The following ZBTB40 variants were observed in gnomAD, a reference collection of about 807,000 sequenced individuals.
The protein encoded by ZBTB40 is zinc finger and BTB domain-containing protein 40.
A neutral mutation model predicts 117.5 loss-of-function variants in ZBTB40; 60 were observed. That is an observed-to-expected ratio of 0.51 (90% CI 0.41 to 0.63). ZBTB40 has a LOEUF of 0.63. ZBTB40 is among the 30% of genes least tolerant of loss of function. The pLI is 0.00. For missense variants in ZBTB40, 1,287 were observed against 1,498.5 expected (o/e 0.86, Z 2.33); for synonymous variants, 525 against 577.1 (o/e 0.91, Z 1.29).
intron 11 of ZBTB40, among the ~76,000 whole-genome samples, chr1:22,512,621 T>A (rs1639271404): frequency 1.3e-5 from 2 of 152,158 alleles, no homozygotes; most frequent in African/African-American, 4.8e-5. Flanking sequence ...AAGTTGAGTT[T>A]CCCTAGTTCT....
At chr1:22,433,442 A>AACAAAAACAAAAACAAAAC (rs1557469777) in intron 1 of ZBTB40, among the ~76,000 whole-genome samples, 1 of 139,898 alleles carries the variant, frequency 7.1e-6, no homozygotes, top group South Asian at 2.3e-4. Context: ...CAAAAAAAAA[A>AACAAAAACAAAAACAAAAC]AAAAAAAAAA....
Position 22,512,975 on chromosome 1 carries a change from G to A in ZBTB40, c.2513G>A (p.Cys838Tyr), listed in dbSNP as rs1408987543. 1 of 1,614,204 alleles carries A rather than the reference G, an allele frequency of 6.2e-7. No individual in the cohort carries two copies. The highest frequency in any genetic ancestry group is 1.3e-5 in the African/African-American group (1 of 75,042). Residue 838 changes from cysteine (C) to tyrosine (Y), a missense_variant, in exon 12 of 18, where the codon TGT (cysteine) becomes TAT (tyrosine). By Grantham distance (194) the Cys-to-Tyr change is radical. Transcript: ENST00000375647. ...CACTTCGATGAGAAGCCTTTCTCCTGTGAAGAGTGTGGGGCGAAGTTTGCA... is the reference window on the plus strand; with the variant it reads ...CACTTCGATGAGAAGCCTTTCTCCTATGAAGAGTGTGGGGCGAAGTTTGCA... ...TEHFDEKPFS[C>Y]EECGAKFAAN...
rs1033955632 is a variant in ZBTB40, at chr1:22,530,277, G to A, written c.*3881G>A. The stretch of plus-strand genomic sequence containing the variant: ...TATCCCAGTGATACTTGGGAGGTAG[G>A]AAGAAAATGGGAGTAAGAGAACAAT... On this transcript the variant is annotated 3_prime_UTR_variant, in exon 18 of 18. Transcript: ENST00000375647. The A allele has an allele frequency of 1.3e-5, 2 of 152,158 alleles. No individual in the cohort carries two copies. Among genetic ancestry groups the A allele is most frequent in the Non-Finnish European group, 2.9e-5 (2 of 68,048 alleles). 9.4% of individuals were successfully genotyped at this position (152,158 alleles called of 1,614,324 possible). A position where few individuals can be genotyped will look rare whatever the true frequency, so the allele number is the denominator to read the frequency against.
chr1:22,432,507 T>A (rs1334686250), intron 1 of ZBTB40, among the ~76,000 whole-genome samples: 2 of 152,224 alleles, frequency 1.3e-5, no homozygotes, highest in East Asian at 3.8e-4. Context: ...TGAAGTAAAA[T>A]TAAAAATTCA....
intron 1 of ZBTB40, among the ~76,000 whole-genome samples, chr1:22,454,882 C>G (rs1640969251): frequency 6.6e-6 from 1 of 152,286 alleles, no homozygotes; most frequent in Admixed American, 6.5e-5. Context: ...AAATTTAGCT[C>G]CAAATGGAAA....
intron 1 of ZBTB40, among the ~76,000 whole-genome samples, chr1:22,437,616 T>C (rs76066036): frequency 0.031 from 4,670 of 151,848 alleles, 94 homozygotes; most frequent in South Asian, 0.048. Context: ...AACGGGGTTT[T>C]ACCCGATTTG....
At chr1:22,453,981 G>A (rs918364616) in intron 1 of ZBTB40, among the ~76,000 whole-genome samples, 1 of 151,900 alleles carries the variant, frequency 6.6e-6, no homozygotes, top group Non-Finnish European at 1.5e-5. Context: ...ACAGAGTCTC[G>A]CTGTGTTGCC....
intron 3 of ZBTB40, 129 bp from the exon 4 acceptor site, chr1:22,501,363 G>A: frequency 2.1e-6 from 2 of 940,710 alleles, no homozygotes; most frequent in Non-Finnish European, 3.4e-6. Flanking sequence ...GGAAGAAAGT[G>A]CAGTGGGTGA....
At chr1:22,493,651 A>G (rs1569841680) in intron 3 of ZBTB40, among the ~76,000 whole-genome samples, 1 of 152,050 alleles carries the variant, frequency 6.6e-6, no homozygotes. Context: ...CCTTCCACTT[A>G]CCCATGCCCT....
At chr1:22,479,009 C>T (rs570108382) in intron 1 of ZBTB40, among the ~76,000 whole-genome samples, 47 of 152,252 alleles carry the variant, frequency 3.1e-4, no homozygotes, top group African/African-American at 1.1e-3. Context: ...ATTAGCTTTG[C>T]CTGTATTTCT....
Position 22,517,391 on chromosome 1 carries a change from C to T in ZBTB40, c.2760C>T (p.Pro920=). The change falls in exon 13 of 18, where the codon CCC becomes CCT. Residue 920 remains proline (P), a synonymous_variant. Transcript: ENST00000375647. ...RHVRTHTGDK[P]YVCRDCGKGF... is the part of the protein sequence containing the mutation. The stretch of plus-strand genomic sequence containing the variant: ...TGAGGACCCACACCGGGGACAAGCC[C>T]TATGTCTGCAGAGACTGTGGCAAGG... 6.2e-7 allele frequency: 1 copy of T among 1,614,204 alleles called. No homozygotes were observed. Among genetic ancestry groups the T allele is most frequent in the Non-Finnish European group, 8.5e-7 (1 of 1,180,042 alleles).
At chr1:22,486,530 G>A (rs940560665) in intron 1 of ZBTB40, among the ~76,000 whole-genome samples, 2 of 152,076 alleles carry the variant, frequency 1.3e-5, no homozygotes, top group South Asian at 2.1e-4. Flanking sequence ...TTCACTATTC[G>A]TTGTGAGGAC....
Position 22,511,659 on chromosome 1 carries a change from A to T in ZBTB40, c.2003-17A>T, listed in dbSNP as rs376575656. The T allele has an allele frequency of 8.1e-6, 13 of 1,610,378 alleles. No individual in the cohort carries two copies. Among genetic ancestry groups the T allele is most frequent in the Non-Finnish European group, 1.7e-6 (2 of 1,178,912 alleles). Reference sequence around the variant, plus strand: ...AACAGAGAGTTCGCAGAGCCACGAGATGTCTCTTTTATGCAGGTGTCCTTA... The same window carrying T: ...AACAGAGAGTTCGCAGAGCCACGAGTTGTCTCTTTTATGCAGGTGTCCTTA... On this transcript the variant is annotated splice_polypyrimidine_tract_variant and intron_variant, in intron 10 of 17. Coordinates refer to ENST00000375647, the MANE Select transcript of ZBTB40 (RefSeq NM_014870.4).
intron 1 of ZBTB40, among the ~76,000 whole-genome samples, chr1:22,469,878 A>G (rs1235822882): frequency 6.6e-6 from 1 of 152,148 alleles, no homozygotes; most frequent in African/African-American, 2.4e-5. Flanking sequence ...GAAATTTGTA[A>G]TCATATGTTT....
At chr1:22,504,816 G>C (rs932285069) in intron 5 of ZBTB40, among the ~76,000 whole-genome samples, 1 of 152,228 alleles carries the variant, frequency 6.6e-6, no homozygotes, top group African/African-American at 2.4e-5. Flanking sequence ...AACTAGGTCT[G>C]TCTGGCTTTA....
intron 1 of ZBTB40, among the ~76,000 whole-genome samples, chr1:22,464,385 G>A (rs1459945106): frequency 6.6e-6 from 1 of 152,162 alleles, no homozygotes; most frequent in Non-Finnish European, 1.5e-5. Flanking sequence ...AGAGCTTCTG[G>A]ACTCTTCTTC....
intron 1 of ZBTB40, among the ~76,000 whole-genome samples, chr1:22,486,404 G>A (rs1350283328): frequency 1.3e-5 from 2 of 152,186 alleles, no homozygotes; most frequent in African/African-American, 4.8e-5. Context: ...TAGCCAGTTA[G>A]GCTCTTGTAA....
chr1:22,476,797 C>T (rs1641557975), intron 1 of ZBTB40, among the ~76,000 whole-genome samples: 1 of 152,130 alleles, frequency 6.6e-6, no homozygotes, highest in African/African-American at 2.4e-5. Flanking sequence ...AACGTTCTTC[C>T]CATGGGACCT....
chr1:22,503,824 G>T (rs1639010924), intron 5 of ZBTB40, among the ~76,000 whole-genome samples: 1 of 152,134 alleles, frequency 6.6e-6, no homozygotes, highest in East Asian at 1.9e-4. Flanking sequence ...AAAAGTTCCT[G>T]ATTCCCTCTT....
Sources: allele counts gnomAD v4.1 joint callset (sites outside exome capture counted in the v4.1 genomes callset), GRCh38; gene constraint gnomAD v4.1.1; transcripts MANE v1.5; gene names NCBI Gene and HGNC (gene_info 2026-07-23, HGNC 2026-07-21).